The following OLFM3 variants were observed in gnomAD, a reference collection of about 807,000 sequenced individuals.
OLFM3 encodes the protein noelin-3.
OLFM3 carries 20 observed loss-of-function variants against 48.6 expected under a neutral mutation model. The observed-to-expected ratio is 0.41, with a 90% CI of 0.29 to 0.60. The LOEUF (loss-of-function observed/expected upper bound fraction) is 0.60, where lower values mean the gene tolerates loss of function less well. Ranked by LOEUF, OLFM3 falls within the 20% of genes least tolerant of loss-of-function variation. The pLI is 0.28. For synonymous variants in OLFM3, 222 were observed against 198.1 expected (o/e 1.12, Z -1.01); for missense variants, 437 against 544.3 (o/e 0.80, Z 1.96).
At chr1:101,813,327 A>G (rs1186907481) in intron 4 of OLFM3, among the ~76,000 whole-genome samples, 6 of 152,188 alleles carry the variant, frequency 3.9e-5, no homozygotes, top group Non-Finnish European at 8.8e-5. Flanking sequence ...AACCTGAAAT[A>G]TATCTTATGT....
intron 1 of OLFM3, among the ~76,000 whole-genome samples, chr1:101,881,734 G>A (rs1006792545): frequency 1.3e-5 from 2 of 151,416 alleles, no homozygotes; most frequent in Non-Finnish European, 2.9e-5. Flanking sequence ...TCTTTGAGGC[G>A]AATTACAAAA....
chr1:101,906,189 T>A lies in OLFM3; in HGVS notation c.70-69164A>T, dbSNP rs1011492102. On this transcript the variant is annotated intron_variant, in intron 1 of 5. Coordinates refer to ENST00000370103, the MANE Select transcript of OLFM3 (RefSeq NM_058170.4). ...GAAATGCCTTTTATAGCTCCAGTTT[T>A]TTTTTTAATGTTTGATGATACTTTA... 6.6e-5 allele frequency among the ~76,000 whole-genome samples: 10 copies of A among 152,238 alleles called. No homozygotes were observed. The East Asian group carries it at 9.7e-4, about 15-fold the overall frequency.
chr1:101,851,470 G>T (rs1179641778), intron 1 of OLFM3, among the ~76,000 whole-genome samples: 2 of 152,136 alleles, frequency 1.3e-5, no homozygotes, highest in East Asian at 3.8e-4. Flanking sequence ...GAACAATCAG[G>T]CCTAGAGAAG....
chr1:101,808,920 T>C (rs904087552), intron 4 of OLFM3, among the ~76,000 whole-genome samples: 5 of 151,704 alleles, frequency 3.3e-5, no homozygotes, highest in African/African-American at 9.7e-5. Flanking sequence ...TTCTAAGAGA[T>C]TTGTATAATA....
At chr1:101,916,317 A>G (rs757092998) in intron 1 of OLFM3, among the ~76,000 whole-genome samples, 1 of 152,102 alleles carries the variant, frequency 6.6e-6, no homozygotes, top group Non-Finnish European at 1.5e-5. Flanking sequence ...GGTCTGTCTG[A>G]CTTCCAAGTT....
At chr1:101,993,114 T>C (rs1661461272) in intron 1 of OLFM3, among the ~76,000 whole-genome samples, 1 of 152,166 alleles carries the variant, frequency 6.6e-6, no homozygotes, top group South Asian at 2.1e-4. Context: ...TGTGCAGATA[T>C]GGCCATGTCA....
In OLFM3 at chr1:101,897,810, T is replaced by C. The variant is rs965082327; in HGVS notation, c.70-60785A>G. Among the ~76,000 whole-genome samples, 85 of 152,204 alleles carry C rather than the reference T, an allele frequency of 5.6e-4. 1 individual carries two copies. The highest frequency in any genetic ancestry group is 5.4e-3 in the Admixed American group (83 of 15,284). On this transcript the variant is annotated intron_variant, in intron 1 of 5. Coordinates refer to ENST00000370103, the MANE Select transcript of OLFM3 (RefSeq NM_058170.4). The stretch of plus-strand genomic sequence containing the variant: ...AACATAATCCAAGTAACTCATGTGA[T>C]GCAAAGTGGAAAATAATGATTTCTA...
intron 1 of OLFM3, among the ~76,000 whole-genome samples, chr1:101,878,386 T>C (rs1225432427): frequency 1.3e-5 from 2 of 151,934 alleles, no homozygotes; most frequent in Non-Finnish European, 2.9e-5. Flanking sequence ...AAGCTTACTA[T>C]GTAGAGTCCA....
intron 1 of OLFM3, 34 bp downstream of exon 1, chr1:101,996,714 T>G (rs1256709770): frequency 6.2e-7 from 1 of 1,607,728 alleles, no homozygotes; most frequent in Non-Finnish European, 8.5e-7. Context: ...TATTGCACAT[T>G]TATTTCAAAC....
intron 1 of OLFM3, among the ~76,000 whole-genome samples, chr1:101,974,719 C>T (rs553451282): frequency 6.6e-6 from 1 of 152,150 alleles, no homozygotes; most frequent in East Asian, 1.9e-4. Flanking sequence ...CTGAACCGGG[C>T]TTGTGGCAGA....
In OLFM3 at chr1:101,938,847, T is replaced by C. The variant is rs146453059; in HGVS notation, c.69+57901A>G. 9.1e-3 allele frequency among the ~76,000 whole-genome samples: 1,381 copies of C among 152,292 alleles called. 27 individuals carry two copies. Among genetic ancestry groups the C allele is most frequent in the African/African-American group, 0.032 (1,320 of 41,560 alleles). On this transcript the variant is annotated intron_variant, in intron 1 of 5. Coordinates refer to ENST00000370103, the MANE Select transcript of OLFM3 (RefSeq NM_058170.4). Reference sequence around the variant, plus strand: ...AGTATTCACCCAAATCATCTTCCCATGCTGAGAATCAACATGTTTGCTAGG... The same window carrying C: ...AGTATTCACCCAAATCATCTTCCCACGCTGAGAATCAACATGTTTGCTAGG...
intron 1 of OLFM3, among the ~76,000 whole-genome samples, chr1:101,896,277 A>G (rs1356390553): frequency 1.3e-5 from 2 of 151,972 alleles, no homozygotes; most frequent in Admixed American, 6.6e-5. Flanking sequence ...TATTGATTTT[A>G]TCTTTTAATA....
chr1:101,947,198 CATTTT>C (rs1185060344), intron 1 of OLFM3, among the ~76,000 whole-genome samples: 1 of 152,100 alleles, frequency 6.6e-6, no homozygotes, highest in Non-Finnish European at 1.5e-5. Context: ...TTAGATCATT[CATTTT>C]AATACCACAC....
chr1:101,909,941 G>T (rs1658692686), intron 1 of OLFM3: 1 of 984,052 alleles, frequency 1.0e-6, no homozygotes, highest in Non-Finnish European at 1.2e-6. Flanking sequence ...GTAAACTATA[G>T]ACTCATCCAA....
At chr1:101,986,796 CA>C (rs1162966219) in intron 1 of OLFM3, among the ~76,000 whole-genome samples, 1 of 151,976 alleles carries the variant, frequency 6.6e-6, no homozygotes, top group African/African-American at 2.4e-5. Context: ...GATCTTGTTC[CA>C]AAGTTGAATA....
At position 101,985,978 on chromosome 1, in the gene OLFM3, T is replaced by C. The variant is rs374071034; in HGVS notation, c.69+10770A>G. Among the ~76,000 whole-genome samples the C allele has an allele frequency of 6.6e-3, 995 of 151,720 alleles. 8 individuals carry two copies. Among genetic ancestry groups the C allele is most frequent in the African/African-American group, 0.022 (907 of 41,382 alleles). On this transcript the variant is annotated intron_variant, in intron 1 of 5. Transcript: ENST00000370103. ...ATGATGAACTACATTTTTTTTTTTT[T>C]TTTTTGACACAGAGTCTCGCTCTGT...
At chr1:101,835,748 A>C (rs962877228) in intron 2 of OLFM3, among the ~76,000 whole-genome samples, 2 of 152,218 alleles carry the variant, frequency 1.3e-5, no homozygotes, top group East Asian at 1.9e-4. Context: ...AGGAGGCTTA[A>C]GAAGAAAGGG....
At chr1:101,856,001 G>A (rs1269290877) in intron 1 of OLFM3, among the ~76,000 whole-genome samples, 1 of 151,940 alleles carries the variant, frequency 6.6e-6, no homozygotes, top group Non-Finnish European at 1.5e-5. Context: ...AAATCTGGTG[G>A]TAGTAAACAA....
intron 1 of OLFM3, among the ~76,000 whole-genome samples, chr1:101,961,215 T>A (rs1660457415): frequency 6.6e-6 from 1 of 152,082 alleles, no homozygotes; most frequent in Non-Finnish European, 1.5e-5. Context: ...AAGTTAATGA[T>A]AGATTGTTGC....
Sources: gnomAD v4.1 joint callset for allele counts (sites outside exome capture counted in the v4.1 genomes callset) on GRCh38, gnomAD v4.1.1 for gene constraint, MANE v1.5 for transcripts, NCBI Gene and HGNC (gene_info 2026-07-23, HGNC 2026-07-21) for gene names.